Variants in GSDME observed in about 807,000 individuals in gnomAD.
GSDME encodes gasdermin E.
A neutral mutation model predicts 47.5 loss-of-function variants in GSDME; 44 were observed. The ratio of observed to expected loss-of-function variants is 0.93; its 90% CI spans 0.73 to 1.19. The LOEUF (loss-of-function observed/expected upper bound fraction) is 1.19. Ranked by LOEUF, GSDME falls within the 50% of genes most tolerant of loss-of-function variation. The pLI, the probability that GSDME is intolerant of heterozygous loss-of-function variation, is 0.00. For missense variants in GSDME, 663 were observed against 604.2 expected (o/e 1.10, Z -1.02); for synonymous variants, 258 against 252.8 (o/e 1.02, Z -0.20).
intron 5 of GSDME, among the ~76,000 whole-genome samples, chr7:24,713,211 C>T (rs1476367990): frequency 6.6e-6 from 1 of 152,172 alleles, no homozygotes; most frequent in African/African-American, 2.4e-5. Flanking sequence ...TCCAGGAACT[C>T]AGCAAGGCCT....
rs1789976281 is a variant in GSDME, at chr7:24,726,662, A to C, written c.405-7444T>G. Among the ~76,000 whole-genome samples the C allele has an allele frequency of 6.6e-6, 1 of 152,140 alleles. No homozygotes were observed. The highest frequency in any genetic ancestry group is 2.4e-5 in the African/African-American group (1 of 41,430). ...TATGGTGAAACCCCGTCTCTACTAA[A>C]AATACAAAAAATCAGCCCGGCATAG... On this transcript the variant is annotated intron_variant, in intron 3 of 9. Transcript: ENST00000645220. This position sits in a 1 kb window ranked among gnomAD's most constrained non-coding sequence, Gnocchi z 5.6.
Position 24,705,707 on chromosome 7 carries a change from G to A in GSDME, c.1183+477C>T, listed in dbSNP as rs1361260650. The stretch of plus-strand genomic sequence containing the variant: ...AGCCACAGCTCTGCCTCCCAGCCTA[G>A]TACATTGGATGGTTGAATGCTCTCC... On this transcript the variant is annotated intron_variant, in intron 8 of 9. Transcript: ENST00000645220. The surrounding 1 kb of genome is among the most constrained non-coding windows in gnomAD (Gnocchi z 4.1). 1 of 269,750 alleles carries A rather than the reference G, an allele frequency of 3.7e-6. No homozygotes were observed. The highest frequency in any genetic ancestry group is 2.2e-5 in the African/African-American group (1 of 45,038). 16.7% of individuals were successfully genotyped at this position (269,750 alleles called of 1,614,324 possible).
Position 24,745,858 on chromosome 7 carries a change from TAAC to T in GSDME, c.212-1107_212-1105del, listed in dbSNP as rs1790651571. Among the ~76,000 whole-genome samples the T allele has an allele frequency of 6.6e-6, 1 of 152,156 alleles. No homozygotes were observed. Among genetic ancestry groups the T allele is most frequent in the East Asian group, 1.9e-4 (1 of 5,182 alleles). On this transcript the variant is annotated intron_variant, in intron 2 of 9. Transcript: ENST00000645220. This position sits in a 1 kb window ranked among gnomAD's most constrained non-coding sequence, Gnocchi z 4.4. ...TATCTCTAAGAAAATATAAAAATAATAACAAATAAAAATAATGATTTTAAAAAT... is the reference window on the plus strand; with the variant it reads ...TATCTCTAAGAAAATATAAAAATAATAAATAAAAATAATGATTTTAAAAAT...
intron 9 of GSDME, among the ~76,000 whole-genome samples, chr7:24,701,020 C>A (rs987171354): frequency 6.6e-6 from 1 of 152,186 alleles, no homozygotes; most frequent in Non-Finnish European, 1.5e-5. Flanking sequence ...ACCCTTTCAC[C>A]AGTTCTTGGA....
intron 9 of GSDME, among the ~76,000 whole-genome samples, chr7:24,700,951 G>C (rs905086626): frequency 6.6e-6 from 1 of 152,132 alleles, no homozygotes; most frequent in African/African-American, 2.4e-5. Context: ...GGTATAAGGG[G>C]GAAACGGTGA....
At chr7:24,790,229 G>A in the GSDME span, among the ~76,000 whole-genome samples, 5 of 152,322 alleles carry the variant, frequency 3.3e-5, no homozygotes, top group South Asian at 8.3e-4. This position sits in a 1 kb window ranked among gnomAD's most constrained non-coding sequence, Gnocchi z 4.1. Flanking sequence ...GAATAGTCAA[G>A]GCTCTGCCAG....
At chr7:24,704,151 G>A (rs1452644634) in intron 8 of GSDME, 2 of 152,234 alleles carry the variant, frequency 1.3e-5, no homozygotes, top group East Asian at 3.8e-4. Flanking sequence ...GGAGGGCCAA[G>A]ACTTGATATT....
the GSDME span, among the ~76,000 whole-genome samples, chr7:24,766,372 T>A: frequency 6.6e-6 from 1 of 152,048 alleles, no homozygotes; most frequent in Non-Finnish European, 1.5e-5. The surrounding 1 kb of genome is among the most constrained non-coding windows in gnomAD (Gnocchi z 4.2). Context: ...GTTACACAGG[T>A]ATACATGTGT....
At chr7:24,757,934 G>C (rs1791097833), upstream of GSDME, 1 of 152,366 alleles carries the variant, frequency 6.6e-6, no homozygotes. The surrounding 1 kb of genome is among the most constrained non-coding windows in gnomAD (Gnocchi z 5.9). Flanking sequence ...GCCTGGAGTA[G>C]TATCTGGGTG....
Position 24,749,692 on chromosome 7 carries a change from G to A in GSDME, c.83C>T (p.Ser28Phe), listed in dbSNP as rs1790793544. The A allele has an allele frequency of 6.2e-7, 1 of 1,613,980 alleles. No homozygotes were observed. Among genetic ancestry groups the A allele is most frequent in the Non-Finnish European group, 8.5e-7 (1 of 1,179,898 alleles). The change falls in exon 2 of 10, where the codon TCT (serine) becomes TTT (phenylalanine). Residue 28 changes from serine to phenylalanine, a missense_variant. By Grantham distance (155) the Ser-to-Phe change is radical. Coordinates refer to ENST00000645220, the MANE Select transcript of GSDME (RefSeq NM_001127453.2). Reference sequence around the variant, plus strand: ...CAGACTTAGAAGCTGTAACTTATCAGAGTCATTCAGATTTGATACTGCAAT... The same window carrying A: ...CAGACTTAGAAGCTGTAACTTATCAAAGTCATTCAGATTTGATACTGCAAT... The part of the protein sequence containing the change: ...DLIAVSNLND[S>F]DKLQLLSLVT...
chr7:24,724,471 C>T lies in GSDME; in HGVS notation c.405-5253G>A, dbSNP rs1040598704. ...CACATCTAAGGGCAGGCTCCTTGTT[C>T]TTCCTGGCGGGGGCGGCAACGTGAA... On this transcript the variant is annotated intron_variant, in intron 3 of 9. Transcript: ENST00000645220. The surrounding 1 kb of genome is among the most constrained non-coding windows in gnomAD (Gnocchi z 4.8). Among the ~76,000 whole-genome samples the T allele has an allele frequency of 2.6e-5, 4 of 152,198 alleles. No individual in the cohort carries two copies. Among genetic ancestry groups the T allele is most frequent in the Non-Finnish European group, 4.4e-5 (3 of 68,044 alleles).
At chr7:24,718,772 T>C (rs1309119220) in intron 4 of GSDME, among the ~76,000 whole-genome samples, 3 of 151,708 alleles carry the variant, frequency 2.0e-5, no homozygotes, top group South Asian at 2.1e-4. Context: ...GCCAGCACCA[T>C]AGGGAGAGCC....
rs1196205042 is a variant in GSDME at position 24,712,006 on chromosome 7, G to C, written c.698-1618C>G. The stretch of plus-strand genomic sequence containing the variant: ...TACTAACTTGTGTACGTAAGCAAAG[G>C]CTATGGAATAAAAATGTGGCAGGGC... On this transcript the variant is annotated intron_variant, in intron 5 of 9. Transcript: ENST00000645220. This position sits in a 1 kb window ranked among gnomAD's most constrained non-coding sequence, Gnocchi z 4.4. Among the ~76,000 whole-genome samples, 1 of 152,196 alleles carries C rather than the reference G, an allele frequency of 6.6e-6. No homozygotes were observed. The highest frequency in any genetic ancestry group is 2.4e-5 in the African/African-American group (1 of 41,448).
rs540035550 is a variant in GSDME, at chr7:24,745,266, C to G, written c.212-512G>C. On this transcript the variant is annotated intron_variant, in intron 2 of 9. Transcript: ENST00000645220. This position sits in a 1 kb window ranked among gnomAD's most constrained non-coding sequence, Gnocchi z 4.4. ...AGAAGACAACTAAACAGAGAGAGAA[C>G]AGCAGCCCCTATTCTGGATGCACCG... 2.0e-4 allele frequency among the ~76,000 whole-genome samples: 31 copies of G among 152,278 alleles called. No homozygotes were observed. The highest frequency in any genetic ancestry group is 7.5e-4 in the African/African-American group (31 of 41,560).
the GSDME span, among the ~76,000 whole-genome samples, chr7:24,767,095 G>A: frequency 2.6e-5 from 4 of 152,144 alleles, no homozygotes; most frequent in Admixed American, 6.5e-5. This position sits in a 1 kb window ranked among gnomAD's most constrained non-coding sequence, Gnocchi z 5.3. Flanking sequence ...AGGCCAAAGC[G>A]GGGTGATCAC....
intron 9 of GSDME, among the ~76,000 whole-genome samples, chr7:24,699,690 G>A (rs1390704875): frequency 2.6e-5 from 4 of 152,084 alleles, no homozygotes; most frequent in African/African-American, 9.7e-5. Flanking sequence ...AACCCTTGAG[G>A]TGTAACATGA....
intron 3 of GSDME, among the ~76,000 whole-genome samples, chr7:24,719,474 C>T (rs868232666): frequency 2.6e-5 from 4 of 152,122 alleles, no homozygotes; most frequent in Admixed American, 6.6e-5. Flanking sequence ...CAAACAGCAG[C>T]GCCGGTTGTC....
chr7:24,763,117 C>T, the GSDME span, among the ~76,000 whole-genome samples: 9 of 152,300 alleles, frequency 5.9e-5, no homozygotes, highest in Admixed American at 2.6e-4. The surrounding 1 kb of genome is among the most constrained non-coding windows in gnomAD (Gnocchi z 4.3). Flanking sequence ...TCATGTCTTC[C>T]ACCACAAATT....
chr7:24,742,522 C>T lies in GSDME; in HGVS notation c.404+2040G>A, dbSNP rs561190290. On this transcript the variant is annotated intron_variant, in intron 3 of 9. Coordinates refer to ENST00000645220, the MANE Select transcript of GSDME (RefSeq NM_001127453.2). The surrounding 1 kb of genome is among the most constrained non-coding windows in gnomAD (Gnocchi z 4.4). ...CTGTTGGCTCTGGCTTCTTTCTCTC[C>T]GGAATGTTTTCTCCCATCTCTTCTC... is the stretch of plus-strand genomic sequence containing the variant. Among the ~76,000 whole-genome samples the T allele has an allele frequency of 3.3e-5, 5 of 152,304 alleles. No individual in the cohort carries two copies. The highest frequency in any genetic ancestry group is 2.1e-4 in the South Asian group (1 of 4,816).
Sources: allele counts gnomAD v4.1 joint callset (sites outside exome capture counted in the v4.1 genomes callset), GRCh38; gene constraint gnomAD v4.1.1; non-coding constraint Gnocchi (gnomAD v3.1); transcripts MANE v1.5; gene names NCBI Gene and HGNC (gene_info 2026-07-23, HGNC 2026-07-21).